MAPK4: variants seen among roughly 807,000 people sequenced by gnomAD.
MAPK4 encodes mitogen-activated protein kinase 4.
MAPK4 carries 22 observed loss-of-function variants against 47.7 expected under a neutral mutation model. The observed-to-expected ratio is 0.46, with a 90% CI of 0.33 to 0.66. MAPK4 has a LOEUF of 0.66. Among genes scored for constraint, MAPK4 ranks in the 30% least tolerant of loss-of-function variants. The probability of loss-of-function intolerance (pLI) is 0.02; values close to 1 mark genes in which losing one functional copy is unlikely to be tolerated. For missense variants in MAPK4, 736 were observed against 831.7 expected, an observed-to-expected ratio of 0.88 and a Z score of 1.42; for synonymous variants, 390 against 365.7, an observed-to-expected ratio of 1.07 and a Z score of -0.76.
intron 1 of MAPK4, among the ~76,000 whole-genome samples, chr18:50,576,976 G>C (rs2149360893): frequency 6.6e-6 from 1 of 152,272 alleles, no homozygotes; most frequent in South Asian, 2.1e-4. Flanking sequence ...TTATAAGACA[G>C]ACCCTGCTCT....
intron 1 of MAPK4, among the ~76,000 whole-genome samples, chr18:50,576,953 G>A (rs2042302590): frequency 6.6e-6 from 1 of 152,182 alleles, no homozygotes; most frequent in Admixed American, 6.5e-5. Context: ...CTGTAGGAGA[G>A]TTACAGTAAA....
At chr18:50,593,022 T>G (rs1254357979) in intron 1 of MAPK4, among the ~76,000 whole-genome samples, 1 of 152,188 alleles carries the variant, frequency 6.6e-6, no homozygotes, top group Non-Finnish European at 1.5e-5. Flanking sequence ...TTTATCCCTA[T>G]TTTACAGATG....
At chr18:50,609,337 G>A (rs1403668927) in intron 1 of MAPK4, among the ~76,000 whole-genome samples, 2 of 150,934 alleles carry the variant, frequency 1.3e-5, no homozygotes, top group Non-Finnish European at 3.0e-5. Flanking sequence ...GGCGGCGGCC[G>A]GGCGGAGGCG....
chr18:50,719,644 A>G (rs1287561014), intron 3 of MAPK4, among the ~76,000 whole-genome samples: 1 of 151,892 alleles, frequency 6.6e-6, no homozygotes, highest in Admixed American at 6.6e-5. Context: ...CCAGCCTTGA[A>G]CCCTCAGCTC....
chr18:50,681,490 A>G (rs1908583958), intron 2 of MAPK4, among the ~76,000 whole-genome samples: 1 of 152,170 alleles, frequency 6.6e-6, no homozygotes, highest in African/African-American at 2.4e-5. Flanking sequence ...CTAAGAAACC[A>G]CTGTCTAATC....
Position 50,678,067 on chromosome 18 carries a change from TC to T in MAPK4, c.546+13567del, listed in dbSNP as rs1452220628. 1.3e-5 allele frequency among the ~76,000 whole-genome samples: 2 copies of T among 152,188 alleles called. No individual in the cohort carries two copies. The highest frequency in any genetic ancestry group is 2.4e-5 in the African/African-American group (1 of 41,450). On this transcript the variant is annotated intron_variant, in intron 2 of 5. Transcript: ENST00000400384. This position sits in a 1 kb window ranked among gnomAD's most constrained non-coding sequence, Gnocchi z 4.2. ...CTTAACCTCCCTCAGGCTGGCTCCA[TC>T]CCCTCATAATAACTCAGGTTTCTGT...
At chr18:50,716,070 C>T (rs1598948536) in intron 3 of MAPK4, among the ~76,000 whole-genome samples, 2 of 152,320 alleles carry the variant, frequency 1.3e-5, no homozygotes, top group East Asian at 3.9e-4. Context: ...TCCTAATTCC[C>T]CAGGGCATGA....
intron 1 of MAPK4, among the ~76,000 whole-genome samples, chr18:50,565,472 G>A (rs1043422752): frequency 3.9e-5 from 6 of 152,162 alleles, no homozygotes; most frequent in South Asian, 2.1e-4. Context: ...ACAGGAGTAC[G>A]TTGATTCAAA....
At position 50,729,344 on chromosome 18, in the gene MAPK4, C is replaced by T. The variant is rs548612070; in HGVS notation, c.1254C>T (p.Arg418=). The T allele has an allele frequency of 6.4e-5, 101 of 1,587,468 alleles. 3 individuals are homozygous for T. In the South Asian group the frequency reaches 1.1e-3, roughly 17 times the overall value. ...FLEQSHSSME[R]AFEADYGRSC... ...AGCAGTCGCACTCGTCCATGGAGCG[C>T]GCCTTCGAGGCCGACTACGGGCGCT... The change falls in exon 6 of 6, where the codon CGC becomes CGT. Residue 418 remains arginine (R), a synonymous_variant. Transcript: ENST00000400384.
intron 1 of MAPK4, among the ~76,000 whole-genome samples, chr18:50,576,172 T>C (rs536969594): frequency 6.6e-6 from 1 of 152,284 alleles, no homozygotes; most frequent in South Asian, 2.1e-4. Flanking sequence ...AAATCGCTCT[T>C]CCATAAAAAC....
At chr18:50,713,594 C>A (rs1377938290) in intron 2 of MAPK4, among the ~76,000 whole-genome samples, 1 of 152,216 alleles carries the variant, frequency 6.6e-6, no homozygotes, top group Non-Finnish European at 1.5e-5. Flanking sequence ...ACAGCTGCTG[C>A]CCATGAGGGG....
At chr18:50,564,065 G>T (rs557470829) in intron 1 of MAPK4, among the ~76,000 whole-genome samples, 1 of 152,212 alleles carries the variant, frequency 6.6e-6, no homozygotes, top group East Asian at 1.9e-4. Context: ...AGCCAGTCTT[G>T]GCAAGGGTCC....
At chr18:50,699,929 A>G (rs1909695308) in intron 2 of MAPK4, among the ~76,000 whole-genome samples, 1 of 152,212 alleles carries the variant, frequency 6.6e-6, no homozygotes, top group South Asian at 2.1e-4. Flanking sequence ...TTCTCAGGAC[A>G]TGTCACCTTC....
At chr18:50,634,077 A>G (rs1158895866) in intron 1 of MAPK4, among the ~76,000 whole-genome samples, 1 of 152,192 alleles carries the variant, frequency 6.6e-6, no homozygotes, top group Non-Finnish European at 1.5e-5. Context: ...GTTCCCAGAA[A>G]GAAACCTTTT....
At chr18:50,567,159 T>C (rs2149356545) in intron 1 of MAPK4, among the ~76,000 whole-genome samples, 1 of 152,138 alleles carries the variant, frequency 6.6e-6, no homozygotes, top group East Asian at 1.9e-4. Flanking sequence ...GTTACATAGG[T>C]ATACACGTGC....
At chr18:50,604,980 T>C (rs1393328466) in intron 1 of MAPK4, among the ~76,000 whole-genome samples, 1 of 152,222 alleles carries the variant, frequency 6.6e-6, no homozygotes, top group Admixed American at 6.5e-5. Context: ...ATTTCTCTAT[T>C]AAGGAGCAGA....
intron 1 of MAPK4, among the ~76,000 whole-genome samples, chr18:50,645,300 G>A (rs1341590966): frequency 5.3e-5 from 8 of 152,090 alleles, no homozygotes; most frequent in African/African-American, 1.9e-4. Flanking sequence ...CCAACGCGCT[G>A]TCCATAGTGG....
intron 1 of MAPK4, among the ~76,000 whole-genome samples, chr18:50,582,427 C>G (rs552103579): frequency 4.2e-4 from 64 of 152,360 alleles, no homozygotes; most frequent in Middle Eastern, 3.4e-3. Flanking sequence ...ATGGCTCAGC[C>G]TGGGACCATA....
chr18:50,576,615 A>G (rs2042299620), intron 1 of MAPK4, among the ~76,000 whole-genome samples: 1 of 152,222 alleles, frequency 6.6e-6, no homozygotes, highest in South Asian at 2.1e-4. Context: ...ACAAACCTGC[A>G]TATGTGCCCT....
Sources: gnomAD v4.1 joint callset for allele counts (sites outside exome capture counted in the v4.1 genomes callset) on GRCh38, gnomAD v4.1.1 for gene constraint, Gnocchi (gnomAD v3.1) non-coding constraint, MANE v1.5 for transcripts, NCBI Gene and HGNC (gene_info 2026-07-23, HGNC 2026-07-21) for gene names.